Variants in MID1 observed in about 807,000 individuals in gnomAD.
MID1 encodes the protein E3 ubiquitin-protein ligase Midline-1.
In MID1, 7 loss-of-function variants were observed where a neutral mutation model predicts 40.4. The observed-to-expected ratio is 0.17, with a 90% CI of 0.10 to 0.33. The LOEUF (loss-of-function observed/expected upper bound fraction) is 0.33. Among genes scored for constraint, MID1 ranks in the 10% least tolerant of loss-of-function variants. The pLI, the probability that MID1 is intolerant of heterozygous loss-of-function variation, is 1.00. For synonymous variants in MID1, 229 were observed against 221.2 expected, an observed-to-expected ratio of 1.04 and a Z score of -0.31; for missense variants, 367 against 558.5, an observed-to-expected ratio of 0.66 and a Z score of 3.46.
At chrX:10,751,006 T>A (rs1602555328) in intron 1 of MID1, among the ~76,000 whole-genome samples, 4 of 111,604 alleles carry the variant, frequency 3.6e-5, no homozygotes, top group Non-Finnish European at 7.5e-5. Context: ...GGCTCATTCC[T>A]ATAATCCCAG....
At chrX:10,461,467 G>A (rs995996878) in intron 7 of MID1, among the ~76,000 whole-genome samples, 2 of 110,983 alleles carry the variant, frequency 1.8e-5, no homozygotes, top group African/African-American at 6.6e-5. Flanking sequence ...AGTAACATGG[G>A]AATCTCCTTA....
At chrX:10,758,779 C>T (rs1017862124) in intron 1 of MID1, among the ~76,000 whole-genome samples, 2 of 111,014 alleles carry the variant, frequency 1.8e-5, no homozygotes, top group East Asian at 2.8e-4. Flanking sequence ...TGAGCCACCG[C>T]GCCCGGCCTT....
rs987276744 is a variant in MID1, at chrX:10,769,844, C to G, written c.-187+63710G>C. Among the ~76,000 whole-genome samples the G allele has an allele frequency of 3.6e-4, 40 of 111,655 alleles. 1 individual carries two copies. The highest frequency in any genetic ancestry group is 1.3e-3 in the African/African-American group (39 of 30,714). On this transcript the variant is annotated intron_variant, in intron 1 of 10. Coordinates refer to the MID1 transcript ENST00000380785. The stretch of plus-strand genomic sequence containing the variant: ...GCATGAAGTATGCTGTTTGTTTCTA[C>G]TTGTTGGTTTCATGTTTCAATTCAT...
At chrX:10,828,461 T>C (rs1380549273) in intron 1 of MID1, among the ~76,000 whole-genome samples, 1 of 111,879 alleles carries the variant, frequency 8.9e-6, no homozygotes, top group Non-Finnish European at 1.9e-5. Flanking sequence ...GTGAAAAAGA[T>C]TTCAAGCTGT....
chrX:10,599,570 T>A (rs1935477803), intron 1 of MID1, among the ~76,000 whole-genome samples: 1 of 112,270 alleles, frequency 8.9e-6, no homozygotes, highest in Non-Finnish European at 1.9e-5. Context: ...TGTGAAACTT[T>A]CCCAGTATTT....
intron 1 of MID1, among the ~76,000 whole-genome samples, chrX:10,812,901 G>C (rs1457994947): frequency 9.0e-6 from 1 of 111,043 alleles, no homozygotes; most frequent in African/African-American, 3.3e-5. Flanking sequence ...CCTTCAGACT[G>C]TATGATTTCA....
At chrX:10,654,577 G>A (rs1027787637) in intron 1 of MID1, among the ~76,000 whole-genome samples, 10 of 111,644 alleles carry the variant, frequency 9.0e-5, no homozygotes, top group African/African-American at 3.3e-4. Context: ...GTCTAATGCC[G>A]CCGCTGATCT....
chrX:10,471,830 G>T (rs1929726995), intron 6 of MID1, among the ~76,000 whole-genome samples: 1 of 112,126 alleles, frequency 8.9e-6, no homozygotes, highest in Admixed American at 9.4e-5. Flanking sequence ...TAAATAGAAA[G>T]AAAACGTATG....
chrX:10,542,060 T>C (rs1933491309), intron 2 of MID1, among the ~76,000 whole-genome samples: 1 of 112,473 alleles, frequency 8.9e-6, no homozygotes, highest in Non-Finnish European at 1.9e-5. Context: ...CCATTTAAAA[T>C]GGTTAACAAA....
At chrX:10,769,495 C>A (rs920497122) in intron 1 of MID1, among the ~76,000 whole-genome samples, 1 of 111,969 alleles carries the variant, frequency 8.9e-6, no homozygotes, top group African/African-American at 3.2e-5. Flanking sequence ...CTCGGAAACA[C>A]AGAGATGGCA....
intron 1 of MID1, among the ~76,000 whole-genome samples, chrX:10,588,304 A>G (rs1359110098): frequency 8.9e-6 from 1 of 111,956 alleles, no homozygotes; most frequent in East Asian, 2.8e-4. Flanking sequence ...TAAATTATAC[A>G]ACATTTTTTG....
intron 1 of MID1, among the ~76,000 whole-genome samples, chrX:10,726,197 A>G (rs1409985028): frequency 8.9e-6 from 1 of 112,292 alleles, no homozygotes; most frequent in Non-Finnish European, 1.9e-5. Context: ...CAGTAAGTAG[A>G]CACACTCTGG....
At chrX:10,745,447 A>G (rs1052711211) in intron 1 of MID1, among the ~76,000 whole-genome samples, 1 of 112,168 alleles carries the variant, frequency 8.9e-6, no homozygotes, top group African/African-American at 3.2e-5. Flanking sequence ...ACAAGCAGAC[A>G]TCACCCTATC....
chrX:10,506,946 A>G (rs753608096), intron 3 of MID1, among the ~76,000 whole-genome samples: 7 of 111,894 alleles, frequency 6.3e-5, no homozygotes, highest in Non-Finnish European at 1.3e-4. Context: ...TGAAAAAGAA[A>G]ACACGTGACA....
intron 1 of MID1, among the ~76,000 whole-genome samples, chrX:10,592,274 T>TAAAAA (rs144661774): frequency 1.8e-4 from 5 of 28,255 alleles, no homozygotes; most frequent in Admixed American, 5.7e-4. Flanking sequence ...GGGACTGCGT[T>TAAAAA]AAAAAAAAAA....
At chrX:10,519,518 C>T (rs1339991148) in intron 3 of MID1, among the ~76,000 whole-genome samples, 2 of 111,919 alleles carry the variant, frequency 1.8e-5, no homozygotes, top group African/African-American at 6.5e-5. Context: ...ACACTCTCAA[C>T]TTCATCTCAA....
At chrX:10,710,832 A>C (rs935372603) in intron 1 of MID1, among the ~76,000 whole-genome samples, 1 of 111,681 alleles carries the variant, frequency 9.0e-6, no homozygotes, top group East Asian at 2.8e-4. Flanking sequence ...AAATTCCAAC[A>C]TGCTGACTTT....
intron 1 of MID1, among the ~76,000 whole-genome samples, chrX:10,634,442 C>G (rs1429536393): frequency 1.8e-5 from 2 of 111,676 alleles, no homozygotes; most frequent in Non-Finnish European, 3.8e-5. Context: ...TAATATCATC[C>G]AGTTAACTAA....
intron 1 of MID1, among the ~76,000 whole-genome samples, chrX:10,761,315 C>T (rs2043676874): frequency 8.9e-6 from 1 of 111,974 alleles, no homozygotes; most frequent in Non-Finnish European, 1.9e-5. Context: ...GAATATGCTG[C>T]TTTCCTCAAA....
Sources: gnomAD v4.1 joint callset for allele counts (sites outside exome capture counted in the v4.1 genomes callset) on GRCh38, gnomAD v4.1.1 for gene constraint, MANE v1.5 for transcripts, NCBI Gene and HGNC (gene_info 2026-07-23, HGNC 2026-07-21) for gene names.